The following NLRP1 variants were observed in gnomAD, a reference collection of about 807,000 sequenced individuals.
NLRP1 encodes the protein NLR family pyrin domain containing 1.
NLRP1 carries 94 observed loss-of-function variants against 136.7 expected under a neutral mutation model. That is an observed-to-expected ratio of 0.69 (90% CI 0.58 to 0.82). The LOEUF (loss-of-function observed/expected upper bound fraction) is 0.82, where lower values mean the gene tolerates loss of function less well. Ranked by LOEUF, NLRP1 falls within the 40% of genes least tolerant of loss-of-function variation. The pLI is 0.00. For missense variants in NLRP1, 1,575 were observed against 1,802.7 expected, an observed-to-expected ratio of 0.87 and a Z score of 2.29; for synonymous variants, 690 against 725.1, an observed-to-expected ratio of 0.95 and a Z score of 0.78.
At chr17:5,506,463 T>C (rs1341551917) in intron 15 of NLRP1, among the ~76,000 whole-genome samples, 2 of 152,150 alleles carry the variant, frequency 1.3e-5, no homozygotes, top group Non-Finnish European at 2.9e-5. Flanking sequence ...CAAAGAGATA[T>C]CTGTACACCT....
At chr17:5,554,143 G>A (rs1913740758) in intron 4 of NLRP1, among the ~76,000 whole-genome samples, 1 of 152,062 alleles carries the variant, frequency 6.6e-6, no homozygotes, top group African/African-American at 2.4e-5. Context: ...CTGCTGTCCA[G>A]GTTGGCTCAC....
In NLRP1 at chr17:5,581,809, A is replaced by G. The variant is rs760495334; in HGVS notation, c.652+50T>C. 4 of 1,460,944 alleles carry G rather than the reference A, an allele frequency of 2.7e-6. No individual in the cohort carries two copies. The South Asian group carries it at 4.6e-5, about 17-fold the overall frequency. The allele number at this position is 1,460,944 out of a possible 1,614,324, so 90.5% of individuals were successfully genotyped here. Reference sequence around the variant, plus strand: ...TCCCCAGGGGACTCTTTGTCCATACATTTGCCTCTCCCACCTCACCACCCC... The same window carrying G: ...TCCCCAGGGGACTCTTTGTCCATACGTTTGCCTCTCCCACCTCACCACCCC... On this transcript the variant is annotated intron_variant, in intron 3 of 16. Transcript: ENST00000572272.
In NLRP1 at chr17:5,583,615, G is replaced by A. The variant is rs1905954282; in HGVS notation, c.271+72C>T. ...CTGGCAGGGAGGGCTCAGTGGTGGGGTCCCAAGAGGGCAGGGCAGGCATGA... is the reference window on the plus strand; with the variant it reads ...CTGGCAGGGAGGGCTCAGTGGTGGGATCCCAAGAGGGCAGGGCAGGCATGA... On this transcript the variant is annotated intron_variant, in intron 1 of 16. Coordinates refer to ENST00000572272, the MANE Select transcript of NLRP1 (RefSeq NM_033004.4). This position sits in a 1 kb window ranked among gnomAD's most constrained non-coding sequence, Gnocchi z 4.5. 11 of 1,454,036 alleles carry A rather than the reference G, an allele frequency of 7.6e-6. No individual in the cohort carries two copies. The highest frequency in any genetic ancestry group is 2.5e-4 in the Middle Eastern group (1 of 4,080). The allele number at this position is 1,454,036 out of a possible 1,614,324, so 90.1% of individuals were successfully genotyped here.
At chr17:5,561,718 C>T (rs1435416935) in intron 3 of NLRP1, among the ~76,000 whole-genome samples, 1 of 43,082 alleles carries the variant, frequency 2.3e-5, no homozygotes, top group Admixed American at 2.3e-4. Context: ...GCTGGGATTA[C>T]AGGCGTGAGC....
At chr17:5,556,592 G>T (rs1167571350) in intron 4 of NLRP1, among the ~76,000 whole-genome samples, 1 of 151,040 alleles carries the variant, frequency 6.6e-6, no homozygotes, top group African/African-American at 2.4e-5. Context: ...CATGTGCACA[G>T]AAAAAAGACT....
chr17:5,502,073 T>C, intron 15 of NLRP1: 1 of 534,618 alleles, frequency 1.9e-6, no homozygotes, highest in Admixed American at 2.9e-5. Flanking sequence ...TTCCTCTCTA[T>C]CCTACAGCGT....
intron 15 of NLRP1, among the ~76,000 whole-genome samples, chr17:5,507,335 T>TA: frequency 6.6e-6 from 1 of 152,248 alleles, no homozygotes; most frequent in South Asian, 2.1e-4. Context: ...TAAATTAAAT[T>TA]AAATTAAAGG....
intron 5 of NLRP1, among the ~76,000 whole-genome samples, chr17:5,547,714 T>G (rs1051596395): frequency 6.6e-6 from 1 of 152,170 alleles, no homozygotes; most frequent in Admixed American, 6.5e-5. Context: ...TTTACTGGAC[T>G]CTGGTGGTTC....
rs534370258 is a variant in NLRP1, at chr17:5,542,604, T to C, written c.2529-577A>G. Among the ~76,000 whole-genome samples, 36 of 152,270 alleles carry C rather than the reference T, an allele frequency of 2.4e-4. 1 individual carries two copies. Among genetic ancestry groups the C allele is most frequent in the Non-Finnish European group, 3.8e-4 (26 of 68,016 alleles). ...GACTCCCTGCTCCTTTCTGCTTTACTTTTCTCTATAGCTCATGTCACTCAC... is the reference window on the plus strand; with the variant it reads ...GACTCCCTGCTCCTTTCTGCTTTACCTTTCTCTATAGCTCATGTCACTCAC... On this transcript the variant is annotated intron_variant, in intron 5 of 16. Transcript: ENST00000572272.
Position 5,537,039 on chromosome 17 carries a change from C to T in NLRP1, c.2871-99G>A, listed in dbSNP as rs997304520. 3.6e-5 allele frequency: 29 copies of T among 806,848 alleles called. No homozygotes were observed. Among genetic ancestry groups the T allele is most frequent in the South Asian group, 1.7e-4 (12 of 70,928 alleles). The allele number at this position is 806,848 out of a possible 1,614,324, so 50.0% of individuals were successfully genotyped here. ...TGGGACCTGTCACCTTCTGAGGCAG[C>T]GGCCGCAGGGTGGGTTCCCTGGAAG... On this transcript the variant is annotated intron_variant, in intron 7 of 16. Coordinates refer to ENST00000572272, the MANE Select transcript of NLRP1 (RefSeq NM_033004.4). This position sits in a 1 kb window ranked among gnomAD's most constrained non-coding sequence, Gnocchi z 4.5.
chr17:5,518,079 C>T (rs1567631086), intron 14 of NLRP1, 192 bp from the exon 15 acceptor site: 1 of 574,472 alleles, frequency 1.7e-6, no homozygotes, highest in Non-Finnish European at 3.1e-6. Flanking sequence ...AACTGAGTAC[C>T]TCACGGGTAA....
chr17:5,552,164 C>T (rs1180857083), intron 5 of NLRP1, among the ~76,000 whole-genome samples: 1 of 142,046 alleles, frequency 7.0e-6, no homozygotes, highest in Non-Finnish European at 1.5e-5. Flanking sequence ...ACTGCATTAG[C>T]TGCATCCAAT....
At chr17:5,572,741 A>C (rs1018061591) in intron 3 of NLRP1, among the ~76,000 whole-genome samples, 30 of 151,148 alleles carry the variant, frequency 2.0e-4, no homozygotes, top group Non-Finnish European at 5.9e-5. Flanking sequence ...TGGACAAAGG[A>C]CACCAATAGA....
intron 15 of NLRP1, among the ~76,000 whole-genome samples, chr17:5,517,490 C>T (rs561735120): frequency 7.9e-4 from 120 of 152,140 alleles, no homozygotes; most frequent in Non-Finnish European, 1.5e-3. Flanking sequence ...TGGGTTCAAG[C>T]GATTCTTCTG....
chr17:5,552,520 A>AC (rs939423138), intron 5 of NLRP1, among the ~76,000 whole-genome samples: 1 of 151,766 alleles, frequency 6.6e-6, no homozygotes, highest in African/African-American at 2.4e-5. Context: ...ATGACATTCC[A>AC]CCCCCCAATC....
intron 8 of NLRP1, among the ~76,000 whole-genome samples, 185 bp from the exon 9 acceptor site, chr17:5,534,173 G>A (rs1416110996): frequency 6.6e-6 from 1 of 152,008 alleles, no homozygotes; most frequent in African/African-American, 2.4e-5. Flanking sequence ...ACCAGCTTGG[G>A]TAACATAGTG....
chr17:5,521,163 GC>G, intron 13 of NLRP1, 151 bp from the exon 14 acceptor site: 1 of 744,974 alleles, frequency 1.3e-6, no homozygotes, highest in Non-Finnish European at 2.1e-6. Context: ...TACAGAGACA[GC>G]CCGCACTTGG....
downstream of NLRP1, among the ~76,000 whole-genome samples, chr17:5,511,415 T>C (rs1907616206): frequency 2.1e-5 from 3 of 145,546 alleles, no homozygotes; most frequent in South Asian, 6.6e-4. Flanking sequence ...CACTCCAGCC[T>C]GGGCGACAGA....
chr17:5,575,859 C>T, intron 3 of NLRP1, among the ~76,000 whole-genome samples: 1 of 152,192 alleles, frequency 6.6e-6, no homozygotes, highest in East Asian at 1.9e-4. Context: ...CCAAAATTGA[C>T]CACATAGTTG....
Sources: gnomAD v4.1 joint callset for allele counts (sites outside exome capture counted in the v4.1 genomes callset) on GRCh38, gnomAD v4.1.1 for gene constraint, Gnocchi (gnomAD v3.1) non-coding constraint, MANE v1.5 for transcripts, NCBI Gene and HGNC (gene_info 2026-07-23, HGNC 2026-07-21) for gene names.